The following STK3 variants were observed in gnomAD, a reference collection of about 807,000 sequenced individuals.
STK3 encodes serine/threonine kinase 3.
Under a neutral mutation model 58.0 loss-of-function variants are expected in STK3, and 41 were observed. The observed-to-expected ratio is 0.71, with a 90% CI of 0.55 to 0.92. The LOEUF is 0.92. Among genes scored for constraint, STK3 ranks in the 40% least tolerant of loss-of-function variants. The pLI is 0.00. For synonymous variants in STK3, 170 were observed against 191.0 expected (o/e 0.89, Z 0.91); for missense variants, 479 against 602.7 (o/e 0.79, Z 2.15).
In STK3 at chr8:98,443,379, T is replaced by G. The variant is rs79706141; in HGVS notation, n.186-6171A>C. On this transcript the variant is annotated intron_variant and non_coding_transcript_variant, in intron 1 of 3. Transcript: ENST00000517832. ...ATGATTTTGTGAATGGCAGTTTGTT[T>G]CCAGTGCATTTCTCTGCCTGTATCT... is the stretch of plus-strand genomic sequence containing the variant. Among the ~76,000 whole-genome samples the G allele has an allele frequency of 5.5e-3, 841 of 152,364 alleles. 3 individuals carry two copies. Among genetic ancestry groups the G allele is most frequent in the Non-Finnish European group, 9.4e-3 (641 of 68,036 alleles).
chr8:98,653,573 G>T (rs181781668), intron 6 of STK3, among the ~76,000 whole-genome samples: 7 of 152,160 alleles, frequency 4.6e-5, no homozygotes, highest in Admixed American at 3.3e-4. Context: ...CAACAAAATT[G>T]ATAGACCACT....
intron 10 of STK3, among the ~76,000 whole-genome samples, chr8:98,463,870 T>C (rs116315334): frequency 3.7e-4 from 56 of 152,312 alleles, no homozygotes; most frequent in African/African-American, 1.2e-3. Flanking sequence ...CAAGACCTAA[T>C]GATTCTATGA....
intron 3 of STK3, chr8:98,429,578 T>C (rs916754698): frequency 5.1e-6 from 3 of 592,688 alleles, no homozygotes; most frequent in Admixed American, 6.2e-5. Context: ...TTAGAATCGT[T>C]TTTAGAGGGT....
intron 2 of STK3, 82 bp downstream of exon 2, chr8:98,774,657 T>A: frequency 1.0e-6 from 1 of 954,084 alleles, no homozygotes; most frequent in Non-Finnish European, 1.5e-6. Context: ...ACGAATATAC[T>A]CTAGTTGAAA....
intron 10 of STK3, among the ~76,000 whole-genome samples, chr8:98,479,447 A>C (rs1821649367): frequency 8.2e-6 from 1 of 121,370 alleles, no homozygotes; most frequent in Non-Finnish European, 1.6e-5. Context: ...AGATCCTGCC[A>C]CTGCACTCCA....
At chr8:98,891,626 TGAGAGAGAGA>T (rs56830700) in intron 1 of STK3, among the ~76,000 whole-genome samples, 6 of 148,354 alleles carry the variant, frequency 4.0e-5, no homozygotes, top group East Asian at 2.0e-4. Flanking sequence ...TGTGTGTGTG[TGAGAGAGAGA>T]GAGAGAGAGA....
At chr8:98,907,623 A>G (rs907553529) in intron 1 of STK3, among the ~76,000 whole-genome samples, 3 of 152,234 alleles carry the variant, frequency 2.0e-5, no homozygotes, top group Non-Finnish European at 2.9e-5. Context: ...AGCAAATCCC[A>G]GATATCTTAT....
intron 1 of STK3, among the ~76,000 whole-genome samples, chr8:98,913,443 A>G (rs1839226904): frequency 6.6e-6 from 1 of 152,256 alleles, no homozygotes; most frequent in African/African-American, 2.4e-5. Flanking sequence ...AGGAAAGCCC[A>G]TCCTCTTAGC....
intron 9 of STK3, among the ~76,000 whole-genome samples, chr8:98,534,696 T>C (rs908470613): frequency 6.6e-6 from 1 of 152,164 alleles, no homozygotes; most frequent in Admixed American, 6.5e-5. Flanking sequence ...GTACCTTTGA[T>C]TTGTCTCTAG....
chr8:98,391,069 G>C (rs1197253169), upstream of STK3, among the ~76,000 whole-genome samples: 3 of 152,162 alleles, frequency 2.0e-5, no homozygotes, highest in African/African-American at 7.2e-5. Context: ...TGCAAGTTGA[G>C]ATTTGTCTGT....
At chr8:98,651,920 C>A (rs1403992819) in intron 6 of STK3, among the ~76,000 whole-genome samples, 3 of 150,824 alleles carry the variant, frequency 2.0e-5, no homozygotes, top group Admixed American at 6.6e-5. Context: ...AGGATATTAT[C>A]CAGGAGAACT....
rs966456156 is a variant in STK3, at chr8:98,383,334, T to C, written n.57-4127A>G. On this transcript the variant is annotated intron_variant and non_coding_transcript_variant, in intron 1 of 2. Transcript: ENST00000518704. ...CCTGTGTTTTATGAAAGCCCATGCA[T>C]TGAATCCTCAAGCCAGGCATTTCAG... 2.0e-5 allele frequency among the ~76,000 whole-genome samples: 3 copies of C among 152,050 alleles called. No individual in the cohort carries two copies. The East Asian group carries it at 5.8e-4, about 29-fold the overall frequency.
chr8:98,588,612 T>C (rs1586944129), intron 7 of STK3, among the ~76,000 whole-genome samples: 1 of 152,128 alleles, frequency 6.6e-6, no homozygotes, highest in East Asian at 1.9e-4. Context: ...CTTTATGGCG[T>C]TCTCTGTATT....
intron 1 of STK3, among the ~76,000 whole-genome samples, chr8:98,380,354 C>A (rs1817719245): frequency 6.6e-6 from 1 of 152,126 alleles, no homozygotes; most frequent in African/African-American, 2.4e-5. Flanking sequence ...AGCTCACAAT[C>A]TTATTACCCA....
At position 98,640,773 on chromosome 8, in the gene STK3, C is replaced by T. The variant is rs1587123945; in HGVS notation, c.685-44604G>A. ...ATAAGCATAATTATAAATATTATCA[C>T]ATTTTACAATTTTTTATTCTAATAA... On this transcript the variant is annotated intron_variant, in intron 6 of 10. Transcript: ENST00000419617. Among the ~76,000 whole-genome samples the T allele has an allele frequency of 2.6e-5, 4 of 151,598 alleles. No individual in the cohort carries two copies. In the East Asian group the frequency reaches 5.8e-4, roughly 22 times the overall value.
intron 1 of STK3, among the ~76,000 whole-genome samples, chr8:98,941,203 G>T (rs1217595641): frequency 2.6e-5 from 4 of 152,232 alleles, no homozygotes; most frequent in Non-Finnish European, 5.9e-5. Flanking sequence ...CTGAGAGCAC[G>T]GGCGCTGACG....
intron 8 of STK3, among the ~76,000 whole-genome samples, chr8:98,570,391 T>C (rs1232208162): frequency 6.6e-6 from 1 of 152,020 alleles, no homozygotes; most frequent in African/African-American, 2.4e-5. Flanking sequence ...TCAGCCTGTC[T>C]TGGCCTCCCA....
chr8:98,351,611 C>A, the STK3 span, among the ~76,000 whole-genome samples: 1 of 152,094 alleles, frequency 6.6e-6, no homozygotes, highest in African/African-American at 2.4e-5. Flanking sequence ...TGCTATATAA[C>A]AGAGCTGGGG....
At chr8:98,485,241 CAA>C (rs34109020) in intron 10 of STK3, among the ~76,000 whole-genome samples, 2 of 147,012 alleles carry the variant, frequency 1.4e-5, no homozygotes, top group East Asian at 2.0e-4. Context: ...AACTGCGTCT[CAA>C]AAAAAAAAAA....
Sources: allele counts gnomAD v4.1 joint callset (sites outside exome capture counted in the v4.1 genomes callset), GRCh38; gene constraint gnomAD v4.1.1; transcripts MANE v1.5; gene names NCBI Gene and HGNC (gene_info 2026-07-23, HGNC 2026-07-21).